The following SPRED1 variants were observed in gnomAD, a reference collection of about 807,000 sequenced individuals.
SPRED1 encodes the protein sprouty related EVH1 domain containing 1.
In SPRED1, 18 loss-of-function variants were observed where a neutral mutation model predicts 52.3. The observed-to-expected ratio is 0.34, with a 90% CI of 0.24 to 0.51. SPRED1 has a LOEUF of 0.51. Among genes scored for constraint, SPRED1 ranks in the 20% least tolerant of loss-of-function variants. SPRED1 has a pLI of 0.97. For synonymous variants in SPRED1, 155 were observed against 179.7 expected (o/e 0.86, Z 1.10); for missense variants, 485 against 551.0 (o/e 0.88, Z 1.20).
At position 38,253,086 on chromosome 15, in the gene SPRED1, GC is replaced by G; in HGVS notation, c.-93del. The G allele has an allele frequency of 4.5e-5, 45 of 998,844 alleles. No homozygotes were observed. The highest frequency in any genetic ancestry group is 4.9e-5 in the Non-Finnish European group (32 of 651,894). The allele number at this position is 998,844 out of a possible 1,614,324, so 61.9% of individuals were successfully genotyped here. ...GAGGCCCCTGTGCCGCTGCCCCCGCGCCCCCCCGGCCGCCGCTGCCTCCTGC... is the reference window on the plus strand; with the variant it reads ...GAGGCCCCTGTGCCGCTGCCCCCGCGCCCCCCGGCCGCCGCTGCCTCCTGC... On this transcript the variant is annotated 5_prime_UTR_variant, in exon 1 of 7. The change abolishes the stop of an existing upstream ORF in the 5' untranslated region. Coordinates refer to ENST00000299084, the MANE Select transcript of SPRED1 (RefSeq NM_152594.3).
chr15:38,302,001 G>T (rs936506239), intron 2 of SPRED1, among the ~76,000 whole-genome samples: 2 of 151,842 alleles, frequency 1.3e-5, no homozygotes, highest in African/African-American at 2.4e-5. Context: ...TAGTAGTTCT[G>T]ATGTAATAGT....
intron 1 of SPRED1, among the ~76,000 whole-genome samples, chr15:38,257,942 C>T (rs1050839425): frequency 2.0e-5 from 3 of 152,186 alleles, no homozygotes; most frequent in African/African-American, 7.2e-5. Flanking sequence ...CTTGACTAGT[C>T]TTACCCAGTT....
At chr15:38,286,439 G>T (rs1396094246) in intron 1 of SPRED1, among the ~76,000 whole-genome samples, 1 of 151,208 alleles carries the variant, frequency 6.6e-6, no homozygotes, top group Non-Finnish European at 1.5e-5. Context: ...AAATCTGCTT[G>T]TATCTTCTAA....
At chr15:38,315,310 A>G (rs996003051) in intron 2 of SPRED1, among the ~76,000 whole-genome samples, 4 of 151,978 alleles carry the variant, frequency 2.6e-5, no homozygotes, top group African/African-American at 9.6e-5. Flanking sequence ...ATTTGTGAAC[A>G]TATAATTATC....
intron 2 of SPRED1, among the ~76,000 whole-genome samples, chr15:38,300,993 C>G (rs955241598): frequency 6.6e-6 from 1 of 151,714 alleles, no homozygotes; most frequent in South Asian, 2.1e-4. Context: ...TAAACTTTTT[C>G]CTAAGAATAC....
At chr15:38,342,465 A>G (rs1487723083) in intron 5 of SPRED1, among the ~76,000 whole-genome samples, 1 of 151,932 alleles carries the variant, frequency 6.6e-6, no homozygotes, top group East Asian at 1.9e-4. Flanking sequence ...AGGTTTATTC[A>G]CCTTTTTATG....
intron 2 of SPRED1, among the ~76,000 whole-genome samples, chr15:38,316,289 CCTGTTTAT>C (rs1263294869): frequency 6.6e-6 from 1 of 151,860 alleles, no homozygotes; most frequent in Admixed American, 6.6e-5. Context: ...CCAGAGTTCA[CCTGTTTAT>C]CTGTTTATCT....
chr15:38,272,051 C>T (rs1024886215), intron 1 of SPRED1, among the ~76,000 whole-genome samples: 5 of 152,118 alleles, frequency 3.3e-5, no homozygotes, highest in Admixed American at 2.0e-4. Flanking sequence ...TGGCCTCCAG[C>T]TGCATACGTG....
chr15:38,295,499 C>T (rs945594553), intron 1 of SPRED1, among the ~76,000 whole-genome samples: 27 of 152,026 alleles, frequency 1.8e-4, no homozygotes, highest in African/African-American at 5.6e-4. Flanking sequence ...GACTGTTGTA[C>T]GTGGAGTCTG....
chr15:38,340,689 C>T (rs978234904), intron 5 of SPRED1, among the ~76,000 whole-genome samples: 1 of 152,076 alleles, frequency 6.6e-6, no homozygotes, highest in East Asian at 1.9e-4. Context: ...CCTGCCACCA[C>T]ACGTGGCTAA....
intron 1 of SPRED1, among the ~76,000 whole-genome samples, chr15:38,260,888 G>A (rs1024083625): frequency 4.6e-5 from 7 of 152,210 alleles, no homozygotes; most frequent in African/African-American, 1.7e-4. Flanking sequence ...AGAAACATGA[G>A]GATAAGATGA....
intron 1 of SPRED1, among the ~76,000 whole-genome samples, chr15:38,284,047 A>C (rs1315653291): frequency 6.6e-6 from 1 of 152,212 alleles, no homozygotes; most frequent in East Asian, 1.9e-4. Context: ...AGAGATAGCC[A>C]TTATGACATT....
At chr15:38,272,946 G>T (rs1192195912) in intron 1 of SPRED1, among the ~76,000 whole-genome samples, 1 of 152,044 alleles carries the variant, frequency 6.6e-6, no homozygotes, top group Non-Finnish European at 1.5e-5. Context: ...TGTCTTTGTT[G>T]GATGCATAGT....
At chr15:38,265,217 A>G (rs945730976) in intron 1 of SPRED1, among the ~76,000 whole-genome samples, 6 of 152,128 alleles carry the variant, frequency 3.9e-5, no homozygotes, top group African/African-American at 1.4e-4. Flanking sequence ...CTTGCCTTTT[A>G]TCTATAAAAC....
chr15:38,272,290 A>G (rs1168936863), intron 1 of SPRED1, among the ~76,000 whole-genome samples: 5 of 13,120 alleles, frequency 3.8e-4, no homozygotes, highest in East Asian at 2.0e-3. Context: ...TTTTTTTGAG[A>G]TGAAGTCTTG....
intron 1 of SPRED1, among the ~76,000 whole-genome samples, chr15:38,287,139 A>T (rs1198913409): frequency 6.6e-6 from 1 of 152,170 alleles, no homozygotes; most frequent in African/African-American, 2.4e-5. Context: ...CCTTTATTCT[A>T]GAGACTAGAA....
intron 1 of SPRED1, among the ~76,000 whole-genome samples, chr15:38,293,182 C>A (rs1345291829): frequency 7.2e-6 from 1 of 139,474 alleles, no homozygotes; most frequent in Non-Finnish European, 1.5e-5. Context: ...TCACTGCAAC[C>A]TTTGCCTCCC....
At chr15:38,310,151 G>T (rs372789901) in intron 2 of SPRED1, among the ~76,000 whole-genome samples, 12 of 122,766 alleles carry the variant, frequency 9.8e-5, no homozygotes, top group East Asian at 2.9e-4. Flanking sequence ...GTGTGTGTGT[G>T]TGTTTGGAGA....
chr15:38,350,179 C>T, intron 6 of SPRED1, among the ~76,000 whole-genome samples: 1 of 152,146 alleles, frequency 6.6e-6, no homozygotes, highest in East Asian at 1.9e-4. Context: ...TCTCACAATT[C>T]TTAGAAGTTC....
Sources: gnomAD v4.1 joint callset for allele counts (sites outside exome capture counted in the v4.1 genomes callset) on GRCh38, gnomAD v4.1.1 for gene constraint, MANE v1.5 for transcripts, NCBI Gene and HGNC (gene_info 2026-07-23, HGNC 2026-07-21) for gene names.